The following TTL variants were observed in gnomAD, a reference collection of about 807,000 sequenced individuals.
TTL encodes tubulin--tyrosine ligase.
TTL carries 10 observed loss-of-function variants against 41.1 expected under a neutral mutation model. That is an observed-to-expected ratio of 0.24 (90% CI 0.15 to 0.41). The LOEUF (loss-of-function observed/expected upper bound fraction) is 0.41. Among genes scored for constraint, TTL ranks in the 10% least tolerant of loss-of-function variants. The pLI is 1.00. For synonymous variants in TTL, 175 were observed against 175.5 expected, an observed-to-expected ratio of 1.00 and a Z score of 0.02; for missense variants, 367 against 460.4, an observed-to-expected ratio of 0.80 and a Z score of 1.86.
chr2:112,523,202 T>G (rs1167475371), intron 6 of TTL, among the ~76,000 whole-genome samples: 1 of 152,138 alleles, frequency 6.6e-6, no homozygotes, highest in Admixed American at 6.5e-5. Flanking sequence ...GTGGCTGGCT[T>G]CTTCTTTACC....
intron 2 of TTL, 136 bp downstream of exon 2, chr2:112,486,131 G>A (rs748440438): frequency 1.2e-4 from 100 of 831,854 alleles, no homozygotes; most frequent in Non-Finnish European, 1.8e-4. Context: ...CCTCTAAGCC[G>A]CTTTGGTTGC....
At position 112,538,108 on chromosome 2, in the gene TTL, T is replaced by C. The variant is rs1682631188; in HGVS notation, c.*9313T>C. On this transcript the variant is annotated 3_prime_UTR_variant, in exon 7 of 7. Transcript: ENST00000233336. ...TGAAGAAATATACAAGTAAAGAGGT[T>C]GGACTAATAATAATTCTTTTAAAAC... 1 of 152,250 alleles carries C rather than the reference T, an allele frequency of 6.6e-6. No homozygotes were observed. Among genetic ancestry groups the C allele is most frequent in the East Asian group, 1.9e-4 (1 of 5,206 alleles). 9.4% of individuals were successfully genotyped at this position (152,250 alleles called of 1,614,324 possible).
intron 5 of TTL, among the ~76,000 whole-genome samples, chr2:112,509,096 T>G: frequency 8.4e-6 from 1 of 119,584 alleles, no homozygotes; most frequent in African/African-American, 3.4e-5. Flanking sequence ...AGTGTGCCCC[T>G]GCTTGGGGGT....
At chr2:112,515,109 T>A (rs1489487866) in intron 5 of TTL, among the ~76,000 whole-genome samples, 1 of 152,182 alleles carries the variant, frequency 6.6e-6, no homozygotes. Context: ...CTTATGAAAT[T>A]CTCCCACTTG....
At chr2:112,486,142 G>C in intron 2 of TTL, 147 bp downstream of exon 2, 1 of 751,014 alleles carries the variant, frequency 1.3e-6, no homozygotes. Context: ...CTTTGGTTGC[G>C]GTCCAAAACA....
In TTL at chr2:112,530,265, G is replaced by C; in HGVS notation, c.*1470G>C. 1 of 231,222 alleles carries C rather than the reference G, an allele frequency of 4.3e-6. No homozygotes were observed. The highest frequency in any genetic ancestry group is 6.1e-5 in the East Asian group (1 of 16,316). The allele number at this position is 231,222 out of a possible 1,614,324, so 14.3% of individuals were successfully genotyped here. On this transcript the variant is annotated 3_prime_UTR_variant, in exon 7 of 7. Coordinates refer to ENST00000233336, the MANE Select transcript of TTL (RefSeq NM_153712.5). ...AGATGTGAGAACTTACAATGAAAAA[G>C]GCAATAATGATAGAAATTATTTCTT...
At chr2:112,487,116 T>C (rs1326628092) in intron 2 of TTL, among the ~76,000 whole-genome samples, 1 of 152,222 alleles carries the variant, frequency 6.6e-6, no homozygotes, top group Non-Finnish European at 1.5e-5. Flanking sequence ...AACATGTGTG[T>C]GTAGCCAGGT....
Position 112,530,470 on chromosome 2 carries a change from T to C in TTL, c.*1675T>C, listed in dbSNP as rs1682479737. The C allele has an allele frequency of 1.8e-5, 4 of 228,146 alleles. No individual in the cohort carries two copies. In the East Asian group the frequency reaches 2.5e-4, roughly 14 times the overall value. 14.1% of individuals were successfully genotyped at this position (228,146 alleles called of 1,614,324 possible). ...AAATAAAACAGTCAGTTGTAGTCATTAATCCTTGAGGCCCAACGCAGCCGA... is the reference window on the plus strand; with the variant it reads ...AAATAAAACAGTCAGTTGTAGTCATCAATCCTTGAGGCCCAACGCAGCCGA... On this transcript the variant is annotated 3_prime_UTR_variant, in exon 7 of 7. Coordinates refer to ENST00000233336, the MANE Select transcript of TTL (RefSeq NM_153712.5).
At chr2:112,484,384 C>G (rs1681182453) in intron 1 of TTL, among the ~76,000 whole-genome samples, 2 of 151,904 alleles carry the variant, frequency 1.3e-5, no homozygotes, top group South Asian at 4.2e-4. Context: ...CTGCCTCAGC[C>G]TCCCAAGTAG....
In TTL at chr2:112,535,486, A is replaced by G. The variant is rs1025655409; in HGVS notation, c.*6691A>G. The G allele has an allele frequency of 2.0e-5, 3 of 152,212 alleles. No homozygotes were observed. The highest frequency in any genetic ancestry group is 7.2e-5 in the African/African-American group (3 of 41,458). 9.4% of individuals were successfully genotyped at this position (152,212 alleles called of 1,614,324 possible). A position where few individuals can be genotyped will look rare whatever the true frequency, so the allele number is the denominator to read the frequency against. On this transcript the variant is annotated 3_prime_UTR_variant, in exon 7 of 7. Transcript: ENST00000233336. The stretch of plus-strand genomic sequence containing the variant: ...ACAAATTCTAAGCAGGAAAGACTCA[A>G]AGAGTCCACCTCAAGACACACCAGC...
intron 3 of TTL, among the ~76,000 whole-genome samples, chr2:112,494,628 G>T (rs1238255635): frequency 6.6e-6 from 1 of 152,058 alleles, no homozygotes; most frequent in Admixed American, 6.6e-5. Flanking sequence ...ATCTGATACA[G>T]AACTTTTCAT....
chr2:112,483,503 A>G (rs939396803), intron 1 of TTL: 3 of 152,256 alleles, frequency 2.0e-5, no homozygotes, highest in Non-Finnish European at 4.4e-5. Context: ...GAGAATCGAT[A>G]CGGAGGAAGA....
chr2:112,503,346 T>A (rs1338190090), intron 5 of TTL, among the ~76,000 whole-genome samples, 165 bp downstream of exon 5: 1 of 150,642 alleles, frequency 6.6e-6, no homozygotes, highest in African/African-American at 2.4e-5. Flanking sequence ...TGTAATGATG[T>A]CTCCTCTTTC....
rs1386634393 is a variant in TTL, at chr2:112,530,943, T to TTTG, written c.*2148_*2149insTTG. On this transcript the variant is annotated 3_prime_UTR_variant, in exon 7 of 7. Coordinates refer to ENST00000233336, the MANE Select transcript of TTL (RefSeq NM_153712.5). ...TTAAAATTTGATTTTAAATTTCAAA[T>TTTG]AAATTTAAATAAATTTTAAATAAAT... 5.7e-6 allele frequency: 1 copy of TTTG among 176,618 alleles called. No homozygotes were observed. The highest frequency in any genetic ancestry group is 2.4e-5 in the African/African-American group (1 of 42,218). The allele number at this position is 176,618 out of a possible 1,614,324, so 10.9% of individuals were successfully genotyped here.
At chr2:112,515,948 GAATAAATAAATAAATAAATAAATA>G (rs59842188) in intron 5 of TTL, among the ~76,000 whole-genome samples, 60,245 of 145,564 alleles carry the variant, frequency 0.41, 12,637 homozygotes, top group East Asian at 0.6. Context: ...CTCCATCTCA[GAATAAATAAATAAATAAATAAATA>G]AATAAATAAA....
At chr2:112,503,240 A>G (rs1681748367) in intron 5 of TTL, 59 bp downstream of exon 5, 15 of 1,411,398 alleles carry the variant, frequency 1.1e-5, no homozygotes, top group South Asian at 2.8e-5. Flanking sequence ...TTTGGCGTCT[A>G]TGCCTTTCAA....
Position 112,494,308 on chromosome 2 carries a change from T to C in TTL, c.402T>C (p.Ser134=). The change falls in exon 3 of 7, where the codon TCT becomes TCC. Residue 134 remains serine, a synonymous_variant. Transcript: ENST00000233336. The part of the protein sequence containing the change: ...RTDEREFFLA[S]YNRKKEDGEG... Reference sequence around the variant, plus strand: ...ATGAAAGAGAATTCTTTCTCGCCTCTTATAACAGAAAGAAAGAGGATGGAG... The same window carrying C: ...ATGAAAGAGAATTCTTTCTCGCCTCCTATAACAGAAAGAAAGAGGATGGAG... 6.2e-7 allele frequency: 1 copy of C among 1,614,198 alleles called. No homozygotes were observed. The highest frequency in any genetic ancestry group is 8.5e-7 in the Non-Finnish European group (1 of 1,180,046).
At position 112,531,976 on chromosome 2, in the gene TTL, AT is replaced by A; in HGVS notation, c.*3185del. ...AACTCCTATGGCAATTATGAACTCC[AT>A]TTTACCAAGAACATTTAAGTGCCTC... On this transcript the variant is annotated 3_prime_UTR_variant, in exon 7 of 7. Transcript: ENST00000233336. 1 of 226,854 alleles carries A rather than the reference AT, an allele frequency of 4.4e-6. No individual in the cohort carries two copies. The highest frequency in any genetic ancestry group is 8.8e-6 in the Non-Finnish European group (1 of 114,184). 14.1% of individuals were successfully genotyped at this position (226,854 alleles called of 1,614,324 possible).
intron 2 of TTL, among the ~76,000 whole-genome samples, chr2:112,489,536 A>G (rs1047626606): frequency 6.6e-6 from 1 of 152,250 alleles, no homozygotes; most frequent in Non-Finnish European, 1.5e-5. Context: ...GATACTGTAA[A>G]TATCAAATTC....
Sources: allele counts gnomAD v4.1 joint callset (sites outside exome capture counted in the v4.1 genomes callset), GRCh38; gene constraint gnomAD v4.1.1; transcripts MANE v1.5; gene names NCBI Gene and HGNC (gene_info 2026-07-23, HGNC 2026-07-21).